Variants in DR1 observed in about 807,000 individuals in gnomAD.
The protein encoded by DR1 is down-regulator of transcription 1, also known as protein Dr1.
Under a neutral mutation model 19.9 loss-of-function variants are expected in DR1, and 7 were observed. The observed-to-expected ratio is 0.35, with a 90% CI of 0.20 to 0.66. The LOEUF is 0.66. DR1 is among the 30% of genes least tolerant of loss of function. The probability of loss-of-function intolerance (pLI) is 0.66; values close to 1 mark genes in which losing one functional copy is unlikely to be tolerated. For synonymous variants in DR1, 76 were observed against 72.5 expected (o/e 1.05, Z -0.24); for missense variants, 98 against 203.7 (o/e 0.48, Z 3.16).
At chr1:93,358,362 A>T (rs768255437) in intron 2 of DR1, among the ~76,000 whole-genome samples, 1 of 152,158 alleles carries the variant, frequency 6.6e-6, no homozygotes, top group Non-Finnish European at 1.5e-5. Context: ...ATGGAGGAAG[A>T]GAAAGGGTTT....
chr1:93,346,872 C>A lies in DR1; in HGVS notation c.220+7C>A. The A allele has an allele frequency of 1.2e-6, 2 of 1,603,770 alleles. No homozygotes were observed. The highest frequency in any genetic ancestry group is 1.1e-5 in the South Asian group (1 of 89,720). On this transcript the variant is annotated splice_region_variant and intron_variant, in intron 1 of 2. Coordinates refer to ENST00000370272, the MANE Select transcript of DR1 (RefSeq NM_001938.3). ...CCAGAGCATGTCATACAAGGTAAGTCGTGTGTGAGAGCTGGTTTGAATGAG... is the reference window on the plus strand; with the variant it reads ...CCAGAGCATGTCATACAAGGTAAGTAGTGTGTGAGAGCTGGTTTGAATGAG...
intron 1 of DR1, among the ~76,000 whole-genome samples, chr1:93,347,449 A>G (rs1449978372): frequency 2.6e-5 from 4 of 152,236 alleles, no homozygotes; most frequent in Non-Finnish European, 5.9e-5. Context: ...GAGTTACCAA[A>G]TAACTCCTGT....
Position 93,366,405 on chromosome 1 carries a change from G to A in DR1, c.*5766G>A, listed in dbSNP as rs1427889975. ...GTCCTAATAGGCTTGTTATTTTTGA[G>A]TGCACAGATCTGTATATTCGCAATT... On this transcript the variant is annotated 3_prime_UTR_variant, in exon 3 of 3. Coordinates refer to ENST00000370272, the MANE Select transcript of DR1 (RefSeq NM_001938.3). The A allele has an allele frequency of 6.6e-6, 1 of 152,080 alleles. No homozygotes were observed. Among genetic ancestry groups the A allele is most frequent in the African/African-American group, 2.4e-5 (1 of 41,398 alleles). The allele number at this position is 152,080 out of a possible 1,614,324, so 9.4% of individuals were successfully genotyped here.
rs1666847059 is a variant in DR1 at position 93,346,672 on chromosome 1, T to C, written c.27T>C (p.Asp9=). 1 of 1,613,844 alleles carries C rather than the reference T, an allele frequency of 6.2e-7. No individual in the cohort carries two copies. The highest frequency in any genetic ancestry group is 1.1e-5 in the South Asian group (1 of 91,076). Residue 9 remains aspartate (D), a synonymous_variant, in exon 1 of 3, where the codon GAT becomes GAC. Coordinates refer to ENST00000370272, the MANE Select transcript of DR1 (RefSeq NM_001938.3). ...TGGCTTCCTCGTCTGGCAACGATGA[T>C]GATCTCACTATCCCCAGAGCTGCTA... MASSSGND[D]DLTIPRAAIN...
intron 2 of DR1, 75 bp from the exon 3 acceptor site, chr1:93,360,418 T>A: frequency 7.1e-7 from 1 of 1,408,140 alleles, no homozygotes; most frequent in East Asian, 2.7e-5. Context: ...ATTGGCCTAA[T>A]CTACATTTAA....
rs1667201151 is a variant in DR1 at position 93,368,899 on chromosome 1, G to T, written c.*8260G>T. ...AAATTAAGTACTGTTGGCCCTCTGT[G>T]TCTGGGGGTTCCACATCTATAGATC... On this transcript the variant is annotated 3_prime_UTR_variant, in exon 3 of 3. Coordinates refer to ENST00000370272, the MANE Select transcript of DR1 (RefSeq NM_001938.3). 1 of 152,114 alleles carries T rather than the reference G, an allele frequency of 6.6e-6. No homozygotes were observed. The highest frequency in any genetic ancestry group is 2.4e-5 in the African/African-American group (1 of 41,414). 9.4% of individuals were successfully genotyped at this position (152,114 alleles called of 1,614,324 possible). A position where few individuals can be genotyped will look rare whatever the true frequency, so the allele number is the denominator to read the frequency against.
chr1:93,360,650 C>T lies in DR1; in HGVS notation c.*11C>T, dbSNP rs1322439626. 1 of 1,579,522 alleles carries T rather than the reference C, an allele frequency of 6.3e-7. No homozygotes were observed. The highest frequency in any genetic ancestry group is 1.4e-5 in the African/African-American group (1 of 72,256). On this transcript the variant is annotated 3_prime_UTR_variant, in exon 3 of 3. Transcript: ENST00000370272. ...GATGATGATATCTGAAATTCACCAG[C>T]TGAGTTTCTATTTCTTCTATAAATG...
chr1:93,358,277 G>A (rs1418583688), intron 2 of DR1, among the ~76,000 whole-genome samples: 1 of 152,052 alleles, frequency 6.6e-6, no homozygotes. Context: ...TACTCTGCAA[G>A]CCACATGTTT....
intron 1 of DR1, among the ~76,000 whole-genome samples, chr1:93,348,062 C>T (rs138808440): frequency 5.8e-4 from 88 of 152,140 alleles, no homozygotes; most frequent in Middle Eastern, 3.4e-3. Context: ...ATATTTTACT[C>T]TCAGTATTGA....
intron 2 of DR1, among the ~76,000 whole-genome samples, chr1:93,354,674 A>G (rs1323538060): frequency 6.6e-6 from 1 of 152,150 alleles, no homozygotes; most frequent in Non-Finnish European, 1.5e-5. Flanking sequence ...CTGGCCTCTC[A>G]TTTGAAATTA....
At chr1:93,355,589 A>G (rs905822130) in intron 2 of DR1, 1 of 152,250 alleles carries the variant, frequency 6.6e-6, no homozygotes, top group African/African-American at 2.4e-5. Context: ...TTTAAATAGA[A>G]TATGTATTAT....
intron 1 of DR1, among the ~76,000 whole-genome samples, chr1:93,350,410 G>T (rs930700267): frequency 6.6e-5 from 10 of 152,216 alleles, no homozygotes; most frequent in African/African-American, 1.9e-4. Context: ...TACATTAGTT[G>T]CTTCCTTCCC....
rs779376447 is a variant in DR1 at position 93,360,485 on chromosome 1, G to A, written c.385-8G>A. 1.2e-5 allele frequency: 18 copies of A among 1,550,472 alleles called. No individual in the cohort carries two copies. In the South Asian group the frequency reaches 2.2e-4, roughly 19 times the overall value. On this transcript the variant is annotated splice_polypyrimidine_tract_variant and splice_region_variant and intron_variant, in intron 2 of 2. Coordinates refer to ENST00000370272, the MANE Select transcript of DR1 (RefSeq NM_001938.3). Reference sequence around the variant, plus strand: ...ATTGTTATTTTTTTTTATGTTTTGGGTGTTTAGGCTAGACAGCAACAAGCA... The same window carrying A: ...ATTGTTATTTTTTTTTATGTTTTGGATGTTTAGGCTAGACAGCAACAAGCA...
chr1:93,351,551 T>G (rs929080669), intron 1 of DR1, among the ~76,000 whole-genome samples: 2 of 151,184 alleles, frequency 1.3e-5, no homozygotes, highest in Non-Finnish European at 2.9e-5. Flanking sequence ...TTCTCATGCC[T>G]TAGCCTCCTG....
rs1667086452 is a variant in DR1 at position 93,363,668 on chromosome 1, C to T, written c.*3029C>T. 6.6e-6 allele frequency: 1 copy of T among 152,232 alleles called. No homozygotes were observed. Among genetic ancestry groups the T allele is most frequent in the South Asian group, 2.1e-4 (1 of 4,826 alleles). The allele number at this position is 152,232 out of a possible 1,614,324, so 9.4% of individuals were successfully genotyped here. A position where few individuals can be genotyped will look rare whatever the true frequency, so the allele number is the denominator to read the frequency against. On this transcript the variant is annotated 3_prime_UTR_variant, in exon 3 of 3. Transcript: ENST00000370272. ...TAAAGCAGGGATAATCCCCCTATCTCAAGATCCTTAATTTAATCACATCTG... is the reference window on the plus strand; with the variant it reads ...TAAAGCAGGGATAATCCCCCTATCTTAAGATCCTTAATTTAATCACATCTG...
At chr1:93,359,178 T>C (rs1667026342) in intron 2 of DR1, among the ~76,000 whole-genome samples, 1 of 152,172 alleles carries the variant, frequency 6.6e-6, no homozygotes, top group African/African-American at 2.4e-5. Context: ...CTGATTAGAA[T>C]TTATATCTAG....
chr1:93,347,880 A>T (rs1666871939), intron 1 of DR1, among the ~76,000 whole-genome samples: 1 of 152,078 alleles, frequency 6.6e-6, no homozygotes, highest in South Asian at 2.1e-4. Context: ...TTTTGTAATA[A>T]TCTAATTAAA....
In DR1 at chr1:93,367,008, A is replaced by AT. The variant is rs35502123; in HGVS notation, c.*6369_*6370insT. On this transcript the variant is annotated 3_prime_UTR_variant, in exon 3 of 3. Coordinates refer to ENST00000370272, the MANE Select transcript of DR1 (RefSeq NM_001938.3). Reference sequence around the variant, plus strand: ...CAGAGCAAAATCCTATCTCAAAAAAAATATATATATTATCCAGCCCCAAAT... The same window carrying AT: ...CAGAGCAAAATCCTATCTCAAAAAAATATATATATATTATCCAGCCCCAAAT... 0.097 allele frequency: 14,658 copies of AT among 151,306 alleles called. 960 individuals are homozygous for AT. Among genetic ancestry groups the AT allele is most frequent in the East Asian group, 0.28 (1,409 of 5,102 alleles). The allele number at this position is 151,306 out of a possible 1,614,324, so 9.4% of individuals were successfully genotyped here. A position where few individuals can be genotyped will look rare whatever the true frequency, so the allele number is the denominator to read the frequency against.
At chr1:93,351,264 G>A (rs1666909495) in intron 1 of DR1, among the ~76,000 whole-genome samples, 2 of 151,918 alleles carry the variant, frequency 1.3e-5, no homozygotes, top group Admixed American at 6.6e-5. Context: ...ATTTTGTTGA[G>A]AGTATAGTTT....
Sources: allele counts gnomAD v4.1 joint callset (sites outside exome capture counted in the v4.1 genomes callset), GRCh38; gene constraint gnomAD v4.1.1; transcripts MANE v1.5; gene names NCBI Gene and HGNC (gene_info 2026-07-23, HGNC 2026-07-21).